CEP63: variants seen among roughly 807,000 people sequenced by gnomAD.
The protein encoded by CEP63 is centrosomal protein of 63 kDa.
In CEP63, 84 loss-of-function variants were observed where a neutral mutation model predicts 89.1. That is an observed-to-expected ratio of 0.94 (90% CI 0.79 to 1.13). The LOEUF (loss-of-function observed/expected upper bound fraction) is 1.13, where lower values mean the gene tolerates loss of function less well. Ranked by LOEUF, CEP63 falls within the 50% of genes most tolerant of loss-of-function variation. CEP63 has a pLI of 0.00. For synonymous variants in CEP63, 267 were observed against 272.5 expected (o/e 0.98, Z 0.20); for missense variants, 838 against 813.3 (o/e 1.03, Z -0.37).
At chr3:134,523,463 T>A (rs1283263704) in intron 3 of CEP63, among the ~76,000 whole-genome samples, 1 of 152,150 alleles carries the variant, frequency 6.6e-6, no homozygotes, top group Non-Finnish European at 1.5e-5. Flanking sequence ...AATCTTTGTC[T>A]GTTTCCATGT....
intron 6 of CEP63, among the ~76,000 whole-genome samples, chr3:134,538,329 G>A (rs1254191480): frequency 2.7e-5 from 4 of 148,374 alleles, no homozygotes; most frequent in African/African-American, 5.0e-5. Context: ...ATAAACTACC[G>A]ACAGTGGCTG....
At chr3:134,560,888 C>T (rs1182256647) in intron 14 of CEP63, among the ~76,000 whole-genome samples, 1 of 152,116 alleles carries the variant, frequency 6.6e-6, no homozygotes, top group Non-Finnish European at 1.5e-5. Flanking sequence ...TTCTATGTTA[C>T]CTTTCTAAAA....
At chr3:134,619,038 G>T in the CEP63 span, 1 of 857,116 alleles carries the variant, frequency 1.2e-6, no homozygotes, top group Non-Finnish European at 2.0e-6. Flanking sequence ...CCAGAGCAGA[G>T]TTTGTAAACT....
chr3:134,523,393 A>T (rs1947925446), intron 3 of CEP63, among the ~76,000 whole-genome samples: 1 of 152,140 alleles, frequency 6.6e-6, no homozygotes, highest in South Asian at 2.1e-4. Flanking sequence ...GAAACTCTTT[A>T]ATTAGATCCC....
At chr3:134,495,480 T>A (rs1939508123) in intron 2 of CEP63, 116 bp downstream of exon 2, 1 of 711,432 alleles carries the variant, frequency 1.4e-6, no homozygotes, top group South Asian at 1.6e-5. Flanking sequence ...ATAAGGGTAT[T>A]TAGTATACCT....
chr3:134,708,428 G>A, the CEP63 span, among the ~76,000 whole-genome samples: 1 of 152,228 alleles, frequency 6.6e-6, no homozygotes, highest in Non-Finnish European at 1.5e-5. Flanking sequence ...TATAAGCTGT[G>A]TGTGATAGAA....
the CEP63 span, among the ~76,000 whole-genome samples, chr3:134,678,640 G>A: frequency 6.6e-6 from 1 of 152,196 alleles, no homozygotes; most frequent in African/African-American, 2.4e-5. Context: ...CTTATGAAGT[G>A]GGTTCTATAA....
At chr3:134,607,385 A>T in the CEP63 span, 1 of 985,544 alleles carries the variant, frequency 1.0e-6, no homozygotes, top group Middle Eastern at 5.2e-4. Flanking sequence ...TTGCCCTGCA[A>T]TGTGGGTTGG....
the CEP63 span, among the ~76,000 whole-genome samples, chr3:134,701,267 C>CGTATATATGTGT: frequency 1.2e-4 from 5 of 40,488 alleles, no homozygotes; most frequent in African/African-American, 3.2e-4. Context: ...CACATATATA[C>CGTATATATGTGT]ATATACACAC....
chr3:134,531,281 T>G (rs1028186706), intron 3 of CEP63, among the ~76,000 whole-genome samples: 8 of 152,134 alleles, frequency 5.3e-5, no homozygotes, highest in African/African-American at 1.9e-4. Flanking sequence ...AGTAGGATAA[T>G]CAGACAGAGA....
At chr3:134,585,128 C>G (rs1465411893) in intron 10 of CEP63, among the ~76,000 whole-genome samples, 1 of 151,680 alleles carries the variant, frequency 6.6e-6, no homozygotes, top group Non-Finnish European at 1.5e-5. Flanking sequence ...TTGACCTTTT[C>G]AAAAAACCAG....
the CEP63 span, among the ~76,000 whole-genome samples, chr3:134,614,599 T>C: frequency 6.6e-6 from 1 of 152,014 alleles, no homozygotes; most frequent in Non-Finnish European, 1.5e-5. Flanking sequence ...CAGAAGGCAA[T>C]GTCATTACCT....
rs6766235 is a variant in CEP63 at position 134,503,604 on chromosome 3, T to G, written c.45-3505T>G. Among the ~76,000 whole-genome samples, 959 of 152,244 alleles carry G rather than the reference T, an allele frequency of 6.3e-3. 22 individuals are homozygous for G. In the South Asian group the frequency reaches 0.074, roughly 12 times the overall value. On this transcript the variant is annotated intron_variant, in intron 2 of 14. Coordinates refer to ENST00000675561, the MANE Select transcript of CEP63 (RefSeq NM_001353108.3). Reference sequence around the variant, plus strand: ...CACTTGTCCAGTGCTCAAAGTGGGGTACCGAAGTCCCCAATTATTATTGTA... The same window carrying G: ...CACTTGTCCAGTGCTCAAAGTGGGGGACCGAAGTCCCCAATTATTATTGTA...
chr3:134,678,384 G>C, the CEP63 span, among the ~76,000 whole-genome samples: 8 of 152,082 alleles, frequency 5.3e-5, no homozygotes, highest in African/African-American at 9.7e-5. Flanking sequence ...ACAACCCTCT[G>C]GACTTGTCTC....
At chr3:134,583,371 G>A (rs1958408059) in intron 10 of CEP63, among the ~76,000 whole-genome samples, 3 of 152,110 alleles carry the variant, frequency 2.0e-5, no homozygotes. Flanking sequence ...GTGTAAGGAA[G>A]GGATCCAGTT....
the CEP63 span, among the ~76,000 whole-genome samples, chr3:134,708,397 T>G: frequency 6.6e-6 from 1 of 152,210 alleles, no homozygotes; most frequent in Non-Finnish European, 1.5e-5. Flanking sequence ...ATTGAGGAAA[T>G]GAGCAAGAAG....
At position 134,551,231 on chromosome 3, in the gene CEP63, G is replaced by A. The variant is rs79070441; in HGVS notation, c.1381-695G>A. ...GAGTTGAAGATTAAAATCAGGATTA[G>A]GCATTTAGCTGTGGCTGTCCTTTCT... On this transcript the variant is annotated intron_variant, in intron 11 of 14. Transcript: ENST00000675561. 8.9e-4 allele frequency among the ~76,000 whole-genome samples: 135 copies of A among 152,270 alleles called. 3 individuals are homozygous for A. In the East Asian group the frequency reaches 0.01, roughly 12 times the overall value.
At chr3:134,761,423 C>T in the CEP63 span, among the ~76,000 whole-genome samples, 10 of 152,240 alleles carry the variant, frequency 6.6e-5, no homozygotes, top group Admixed American at 1.3e-4. Context: ...GAGCCCCGGA[C>T]ACCGCCTTGG....
chr3:134,628,353 T>C, the CEP63 span, among the ~76,000 whole-genome samples: 5 of 152,070 alleles, frequency 3.3e-5, no homozygotes, highest in South Asian at 1.0e-3. Flanking sequence ...TTGTAGCCAA[T>C]AGTTATTAGA....
Sources: allele counts gnomAD v4.1 joint callset (sites outside exome capture counted in the v4.1 genomes callset), GRCh38; gene constraint gnomAD v4.1.1; transcripts MANE v1.5; gene names NCBI Gene and HGNC (gene_info 2026-07-23, HGNC 2026-07-21).